The following KCTD8 variants were observed in gnomAD, a reference collection of about 807,000 sequenced individuals.
KCTD8 encodes the protein potassium channel tetramerization domain containing 8, also known as BTB/POZ domain-containing protein KCTD8.
A neutral mutation model predicts 31.5 loss-of-function variants in KCTD8; 27 were observed. The ratio of observed to expected loss-of-function variants is 0.86; its 90% CI spans 0.63 to 1.18. The LOEUF (loss-of-function observed/expected upper bound fraction) is 1.18. Ranked by LOEUF, KCTD8 falls within the 50% of genes most tolerant of loss-of-function variation. The pLI, the probability that KCTD8 is intolerant of heterozygous loss-of-function variation, is 0.00. For synonymous variants in KCTD8, 290 were observed against 280.0 expected (o/e 1.04, Z -0.36); for missense variants, 658 against 647.7 (o/e 1.02, Z -0.17).
intron 1 of KCTD8, among the ~76,000 whole-genome samples, chr4:44,206,750 T>A (rs989207242): frequency 6.6e-6 from 1 of 152,122 alleles, no homozygotes; most frequent in Non-Finnish European, 1.5e-5. Context: ...AGACCTGAGT[T>A]TTGACTTGGG....
intron 1 of KCTD8, among the ~76,000 whole-genome samples, chr4:44,439,873 A>G (rs1405092174): frequency 6.6e-6 from 1 of 151,384 alleles, no homozygotes. Flanking sequence ...TTGATCCCTT[A>G]CAACTTCTAG....
chr4:44,303,419 G>A (rs1717694751), intron 1 of KCTD8, among the ~76,000 whole-genome samples: 1 of 152,104 alleles, frequency 6.6e-6, no homozygotes, highest in African/African-American at 2.4e-5. Flanking sequence ...TCTATTCAGA[G>A]ATTCAACTTC....
chr4:44,351,616 G>C lies in KCTD8; in HGVS notation c.961+95947C>G, dbSNP rs1393947005. ...ATGTCTGAAATGAGAGGAACACTGA[G>C]TTTTAAGGGCTTAAGGTTCACATTC... is the stretch of plus-strand genomic sequence containing the variant. On this transcript the variant is annotated intron_variant, in intron 1 of 1. Transcript: ENST00000360029. 2.0e-5 allele frequency among the ~76,000 whole-genome samples: 3 copies of C among 152,202 alleles called. No homozygotes were observed. In the East Asian group the frequency reaches 5.8e-4, roughly 29 times the overall value.
chr4:44,280,570 TC>T (rs1716879011), intron 1 of KCTD8, among the ~76,000 whole-genome samples: 1 of 152,032 alleles, frequency 6.6e-6, no homozygotes, highest in Non-Finnish European at 1.5e-5. Context: ...TTGTATGCTC[TC>T]CCTCACAACT....
chr4:44,334,547 A>G (rs1718669826), intron 1 of KCTD8, among the ~76,000 whole-genome samples: 1 of 152,148 alleles, frequency 6.6e-6, no homozygotes, highest in Non-Finnish European at 1.5e-5. Flanking sequence ...CATTAATGCA[A>G]GTCTGATAGG....
At chr4:44,417,277 T>C (rs904801924) in intron 1 of KCTD8, among the ~76,000 whole-genome samples, 1 of 152,208 alleles carries the variant, frequency 6.6e-6, no homozygotes, top group African/African-American at 2.4e-5. Flanking sequence ...TCTTATCTCA[T>C]TATCAGAATC....
intron 1 of KCTD8, among the ~76,000 whole-genome samples, chr4:44,213,317 GT>G (rs1472469572): frequency 1.3e-5 from 2 of 151,986 alleles, no homozygotes; most frequent in Non-Finnish European, 2.9e-5. Context: ...GGATTACAAA[GT>G]TTGTTTTTAT....
At chr4:44,279,607 C>T (rs1219967644) in intron 1 of KCTD8, among the ~76,000 whole-genome samples, 2 of 151,978 alleles carry the variant, frequency 1.3e-5, no homozygotes, top group African/African-American at 4.8e-5. Context: ...CCCTTGTTCC[C>T]ACATACACAG....
intron 1 of KCTD8, among the ~76,000 whole-genome samples, chr4:44,226,704 T>A (rs1216452043): frequency 6.6e-6 from 1 of 152,186 alleles, no homozygotes; most frequent in Non-Finnish European, 1.5e-5. Flanking sequence ...CAAAATCCCT[T>A]GTTTCCTGAC....
At chr4:44,401,196 A>G (rs1447906892) in intron 1 of KCTD8, among the ~76,000 whole-genome samples, 1 of 151,832 alleles carries the variant, frequency 6.6e-6, no homozygotes, top group Non-Finnish European at 1.5e-5. Context: ...GTTGGGTATG[A>G]TTAAGTAAAT....
chr4:44,395,240 A>G (rs1210078113), intron 1 of KCTD8, among the ~76,000 whole-genome samples: 2 of 152,152 alleles, frequency 1.3e-5, no homozygotes, highest in South Asian at 4.1e-4. Flanking sequence ...ATAGCGTGTG[A>G]TCCTGAGACA....
chr4:44,258,205 A>G (rs771868086), intron 1 of KCTD8, among the ~76,000 whole-genome samples: 3 of 151,958 alleles, frequency 2.0e-5, no homozygotes, highest in African/African-American at 4.8e-5. Context: ...GTTTAAGTTT[A>G]AGGCAATATC....
intron 1 of KCTD8, among the ~76,000 whole-genome samples, chr4:44,231,657 GA>G (rs1715121046): frequency 6.6e-6 from 1 of 152,078 alleles, no homozygotes; most frequent in African/African-American, 2.4e-5. Flanking sequence ...TCCCATATGT[GA>G]AATAATTTTA....
intron 1 of KCTD8, among the ~76,000 whole-genome samples, chr4:44,279,384 T>C (rs899696517): frequency 6.6e-6 from 1 of 152,012 alleles, no homozygotes; most frequent in Non-Finnish European, 1.5e-5. Flanking sequence ...TTCCTGTCCA[T>C]GCTTTCAACT....
intron 1 of KCTD8, among the ~76,000 whole-genome samples, chr4:44,226,636 A>C (rs1577840707): frequency 6.6e-6 from 1 of 152,254 alleles, no homozygotes; most frequent in Middle Eastern, 3.4e-3. Context: ...ACAATGGTTG[A>C]ACTAATCTAT....
At chr4:44,209,094 A>G (rs548053184) in intron 1 of KCTD8, among the ~76,000 whole-genome samples, 12 of 152,248 alleles carry the variant, frequency 7.9e-5, no homozygotes, top group Admixed American at 2.0e-4. Context: ...AAATGCATTG[A>G]TCTGGAATCT....
intron 1 of KCTD8, among the ~76,000 whole-genome samples, chr4:44,301,265 A>G (rs1334847524): frequency 1.3e-5 from 2 of 152,126 alleles, no homozygotes; most frequent in East Asian, 1.9e-4. Context: ...TGGTATTTCT[A>G]GTTTTAGATC....
intron 1 of KCTD8, among the ~76,000 whole-genome samples, chr4:44,243,881 C>A (rs1345759518): frequency 6.6e-6 from 1 of 152,196 alleles, no homozygotes; most frequent in East Asian, 1.9e-4. Flanking sequence ...AGGTTATTCT[C>A]ATTATGCAAA....
chr4:44,259,131 C>T (rs906594455), intron 1 of KCTD8, among the ~76,000 whole-genome samples: 13 of 151,888 alleles, frequency 8.6e-5, no homozygotes, highest in African/African-American at 3.1e-4. Flanking sequence ...AGCACTTACA[C>T]TTCAGCTAAA....
Sources: gnomAD v4.1 joint callset for allele counts (sites outside exome capture counted in the v4.1 genomes callset) on GRCh38, gnomAD v4.1.1 for gene constraint, MANE v1.5 for transcripts, NCBI Gene and HGNC (gene_info 2026-07-23, HGNC 2026-07-21) for gene names.